EPB41L5: variants seen among roughly 807,000 people sequenced by gnomAD.
The protein encoded by EPB41L5 is band 4.1-like protein 5.
Under a neutral mutation model 106.6 loss-of-function variants are expected in EPB41L5, and 55 were observed. That is an observed-to-expected ratio of 0.52 (90% CI 0.42 to 0.65). EPB41L5 has a LOEUF of 0.65. Ranked by LOEUF, EPB41L5 falls within the 30% of genes least tolerant of loss-of-function variation. The probability of loss-of-function intolerance (pLI) is 0.00; values close to 1 mark genes in which losing one functional copy is unlikely to be tolerated. For synonymous variants in EPB41L5, 297 were observed against 306.7 expected (o/e 0.97, Z 0.33); for missense variants, 871 against 882.1 (o/e 0.99, Z 0.16).
chr2:120,146,178 AG>A (rs771929506), intron 19 of EPB41L5, 46 bp from the exon 20 acceptor site: 108 of 1,133,230 alleles, frequency 9.5e-5, no homozygotes, highest in Middle Eastern at 8.5e-4. Flanking sequence ...TTGTTACTTT[AG>A]TATCCTCAAT....
intron 3 of EPB41L5, among the ~76,000 whole-genome samples, chr2:120,063,938 A>G (rs1327486376): frequency 6.6e-6 from 1 of 151,884 alleles, no homozygotes; most frequent in Non-Finnish European, 1.5e-5. Flanking sequence ...GTGAAACTCC[A>G]TCTCAAAAAA....
chr2:120,080,362 G>GT (rs1445404215), intron 10 of EPB41L5, among the ~76,000 whole-genome samples: 1 of 152,064 alleles, frequency 6.6e-6, no homozygotes, highest in African/African-American at 2.4e-5. Context: ...GCGGTGTTTG[G>GT]TTTTTTGTCC....
In EPB41L5 at chr2:120,144,804, A is replaced by T. The variant is rs1277622675; in HGVS notation, c.1729-1421A>T. On this transcript the variant is annotated intron_variant, in intron 19 of 24. Transcript: ENST00000263713. ...ATATATTCAAAACTTTATAAGTAGG[A>T]TCATACATCATGACCAAGTAGGGTT... 2.6e-5 allele frequency among the ~76,000 whole-genome samples: 4 copies of T among 152,368 alleles called. No individual in the cohort carries two copies. The East Asian group carries it at 7.7e-4, about 29-fold the overall frequency.
chr2:120,174,854 T>C lies in EPB41L5; in HGVS notation c.2149T>C (p.Leu717=). Residue 717 remains leucine, a synonymous_variant, in exon 25 of 25, where the codon TTG becomes CTG. Transcript: ENST00000263713. ...TCTTCCTTTCAGCTCTGGTCCCATT[T>C]TGGCAGAAGAAGCTGTCCTGAAGCA... ...VDAVTSSGPI[L]AEEAVLKQKC... 4 of 1,614,188 alleles carry C rather than the reference T, an allele frequency of 2.5e-6. No individual in the cohort carries two copies. The highest frequency in any genetic ancestry group is 3.4e-6 in the Non-Finnish European group (4 of 1,180,010).
intron 2 of EPB41L5, among the ~76,000 whole-genome samples, chr2:120,024,358 A>G (rs1403934084): frequency 6.6e-6 from 1 of 152,212 alleles, no homozygotes; most frequent in Non-Finnish European, 1.5e-5. Flanking sequence ...CGTTCCATCA[A>G]TACCTAGTTT....
chr2:120,104,600 A>C (rs911988375), intron 16 of EPB41L5: 7 of 993,478 alleles, frequency 7.0e-6, no homozygotes, highest in Non-Finnish European at 7.2e-6. Flanking sequence ...ATCCAAAGAG[A>C]TCGAGGTTAA....
intron 18 of EPB41L5, among the ~76,000 whole-genome samples, chr2:120,133,585 C>G (rs1685796938): frequency 6.6e-6 from 1 of 152,218 alleles, no homozygotes; most frequent in Admixed American, 6.5e-5. Context: ...AGAGAAGAAT[C>G]TTCCATCCTA....
intron 3 of EPB41L5, among the ~76,000 whole-genome samples, chr2:120,050,911 G>T (rs1286609822): frequency 6.6e-6 from 1 of 152,202 alleles, no homozygotes; most frequent in African/African-American, 2.4e-5. Flanking sequence ...GTTGGAGTTT[G>T]CTGGAGGTCT....
chr2:120,173,307 A>G (rs1396256662), intron 24 of EPB41L5, among the ~76,000 whole-genome samples: 1 of 152,220 alleles, frequency 6.6e-6, no homozygotes, highest in Non-Finnish European at 1.5e-5. Flanking sequence ...AAGCCTTCAC[A>G]GTCCATAGGA....
At chr2:120,075,675 C>G (rs766650245) in intron 6 of EPB41L5, 26 bp from the exon 7 acceptor site, 18 of 1,600,832 alleles carry the variant, frequency 1.1e-5, no homozygotes, top group Non-Finnish European at 1.5e-5. Context: ...ATCAACTTGT[C>G]TAACAAACTT....
At chr2:120,014,724 A>G (rs535743641) in intron 1 of EPB41L5, among the ~76,000 whole-genome samples, 1 of 152,258 alleles carries the variant, frequency 6.6e-6, no homozygotes, top group African/African-American at 2.4e-5. Context: ...AAAATGGTCC[A>G]GAATTAAAAA....
At chr2:120,059,156 T>C (rs1418473239) in intron 3 of EPB41L5, among the ~76,000 whole-genome samples, 2 of 152,184 alleles carry the variant, frequency 1.3e-5, no homozygotes, top group East Asian at 3.8e-4. Context: ...TGACCTCTGA[T>C]TTTTGTCAAA....
At chr2:120,051,697 A>G (rs146617459) in intron 3 of EPB41L5, among the ~76,000 whole-genome samples, 3,319 of 152,248 alleles carry the variant, frequency 0.022, 118 homozygotes, top group African/African-American at 0.075. Flanking sequence ...GGCTGCACCC[A>G]CTGTCCAACA....
In EPB41L5 at chr2:120,026,445, T is replaced by A. The variant is rs143582525; in HGVS notation, c.180+7181T>A. On this transcript the variant is annotated intron_variant, in intron 2 of 24. Transcript: ENST00000263713. ...GTGCAATGACGTGATCTCAGCTTAC[T>A]GCGATCTCTGCCTCCTGGCTTCAAG... Among the ~76,000 whole-genome samples, 761 of 152,318 alleles carry A rather than the reference T, an allele frequency of 5.0e-3. 4 individuals are homozygous for A. The highest frequency in any genetic ancestry group is 6.7e-3 in the Non-Finnish European group (459 of 68,034).
At chr2:120,059,545 C>T (rs1680883872) in intron 3 of EPB41L5, among the ~76,000 whole-genome samples, 1 of 152,156 alleles carries the variant, frequency 6.6e-6, no homozygotes, top group Admixed American at 6.5e-5. Context: ...AGAAGCTAAG[C>T]TACAGACTGG....
chr2:120,135,342 A>G (rs1018680114), intron 18 of EPB41L5, among the ~76,000 whole-genome samples: 1 of 152,196 alleles, frequency 6.6e-6, no homozygotes. Context: ...TTGGCCTTAA[A>G]GAAGAGGTAA....
intron 3 of EPB41L5, among the ~76,000 whole-genome samples, chr2:120,045,669 A>T (rs1005569444): frequency 2.6e-5 from 4 of 152,030 alleles, no homozygotes; most frequent in African/African-American, 7.2e-5. Context: ...TTCTTTTTTT[A>T]AAATTTTTAT....
chr2:120,023,165 A>C (rs527682400), intron 2 of EPB41L5, among the ~76,000 whole-genome samples: 1 of 152,238 alleles, frequency 6.6e-6, no homozygotes, highest in Non-Finnish European at 1.5e-5. Flanking sequence ...GGGCAAAATA[A>C]AAAGAAGCTC....
intron 19 of EPB41L5, among the ~76,000 whole-genome samples, chr2:120,144,794 T>C (rs1686328714): frequency 6.6e-6 from 1 of 152,208 alleles, no homozygotes; most frequent in Non-Finnish European, 1.5e-5. Context: ...TTCAAAACTT[T>C]ATAAGTAGGA....
Sources: gnomAD v4.1 joint callset for allele counts (sites outside exome capture counted in the v4.1 genomes callset) on GRCh38, gnomAD v4.1.1 for gene constraint, MANE v1.5 for transcripts, NCBI Gene and HGNC (gene_info 2026-07-23, HGNC 2026-07-21) for gene names.